Variants in NEXMIF observed in about 807,000 individuals in gnomAD.
The protein encoded by NEXMIF is XLMR protein related to neurite extension.
NEXMIF carries 8 observed loss-of-function variants against 62.1 expected under a neutral mutation model. That is an observed-to-expected ratio of 0.13 (90% CI 0.08 to 0.23). The LOEUF is 0.23. Among genes scored for constraint, NEXMIF ranks in the 10% least tolerant of loss-of-function variants. The pLI, the probability that NEXMIF is intolerant of heterozygous loss-of-function variation, is 1.00. For missense variants in NEXMIF, 976 were observed against 1,113.3 expected (o/e 0.88, Z 1.75); for synonymous variants, 404 against 416.6 (o/e 0.97, Z 0.37).
intron 1 of NEXMIF, among the ~76,000 whole-genome samples, chrX:74,830,962 G>T (rs1262369625): frequency 9.9e-6 from 1 of 101,239 alleles, no homozygotes; most frequent in Non-Finnish European, 2.2e-5. Flanking sequence ...TGGCATCGTT[G>T]TTTTTTTTCA....
At chrX:74,919,675 G>A (rs1206939102) in intron 1 of NEXMIF, among the ~76,000 whole-genome samples, 1 of 110,317 alleles carries the variant, frequency 9.1e-6, no homozygotes, top group Non-Finnish European at 1.9e-5. Flanking sequence ...TGCACAATGT[G>A]CAGGTTTGTT....
At chrX:74,804,566 G>A (rs1237190188) in intron 1 of NEXMIF, among the ~76,000 whole-genome samples, 2 of 111,965 alleles carry the variant, frequency 1.8e-5, no homozygotes, top group Admixed American at 1.9e-4. Context: ...ATGTCATCCA[G>A]GTGCCTCATG....
At chrX:74,916,276 A>G (rs904195672) in intron 1 of NEXMIF, among the ~76,000 whole-genome samples, 1 of 112,067 alleles carries the variant, frequency 8.9e-6, no homozygotes, top group Non-Finnish European at 1.9e-5. Flanking sequence ...GGATAAGAAA[A>G]GAAGCATTTT....
At chrX:74,787,110 A>AG (rs1470283399) in intron 1 of NEXMIF, among the ~76,000 whole-genome samples, 1 of 105,439 alleles carries the variant, frequency 9.5e-6, no homozygotes, top group African/African-American at 3.4e-5. Flanking sequence ...AATACAAAAA[A>AG]AAAAAAAAAA....
At chrX:74,789,746 T>C (rs1346141451) in intron 1 of NEXMIF, among the ~76,000 whole-genome samples, 1 of 109,811 alleles carries the variant, frequency 9.1e-6, no homozygotes, top group Admixed American at 9.7e-5. Context: ...CATTTTTTCA[T>C]GTGTTTTTTG....
intron 1 of NEXMIF, among the ~76,000 whole-genome samples, chrX:74,876,815 C>T (rs1156440626): frequency 9.6e-6 from 1 of 104,476 alleles, no homozygotes; most frequent in Admixed American, 1.1e-4. Context: ...GATTGCAACC[C>T]CTGCCTTTTT....
intron 1 of NEXMIF, among the ~76,000 whole-genome samples, chrX:74,765,693 T>C (rs1265136665): frequency 9.1e-6 from 1 of 109,973 alleles, no homozygotes. Context: ...AAGCTTAATT[T>C]GGCTGAGTAT....
At chrX:74,818,680 A>G (rs1297816351) in intron 1 of NEXMIF, among the ~76,000 whole-genome samples, 2 of 112,321 alleles carry the variant, frequency 1.8e-5, no homozygotes, top group Non-Finnish European at 3.8e-5. Context: ...GACAACTCAC[A>G]GAATGGGATA....
intron 1 of NEXMIF, among the ~76,000 whole-genome samples, chrX:74,756,494 T>C (rs1023288744): frequency 2.7e-5 from 3 of 110,787 alleles, no homozygotes; most frequent in African/African-American, 9.9e-5. Flanking sequence ...TCATATTCCT[T>C]TTATTTGCCA....
intron 1 of NEXMIF, among the ~76,000 whole-genome samples, chrX:74,895,850 C>T (rs1008242879): frequency 1.1e-3 from 112 of 105,206 alleles, no homozygotes; most frequent in Non-Finnish European, 2.0e-3. Context: ...AAAAAAAAAA[C>T]ATAGAATGAA....
chrX:74,739,324 A>G lies in NEXMIF; in HGVS notation c.*81T>C. ...TTTGCTCCAAAGACGTATTCCCACA[A>G]TTTAAAATTCTTTTCTTTAAGCACT... is the stretch of plus-strand genomic sequence containing the variant. On this transcript the variant is annotated 3_prime_UTR_variant, in exon 4 of 4. Coordinates refer to ENST00000055682, the MANE Select transcript of NEXMIF (RefSeq NM_001008537.3). 1 of 654,363 alleles carries G rather than the reference A, an allele frequency of 1.5e-6. No individual in the cohort carries two copies. The highest frequency in any genetic ancestry group is 3.2e-5 in the South Asian group (1 of 31,298). 53.9% of individuals were successfully genotyped at this position (654,363 alleles called of 1,213,427 possible).
At chrX:74,781,692 G>A (rs1295745510) in intron 1 of NEXMIF, among the ~76,000 whole-genome samples, 3 of 99,371 alleles carry the variant, frequency 3.0e-5, no homozygotes, top group Admixed American at 2.2e-4. Context: ...TCAGTTTAGT[G>A]GAGGCCAGTG....
At chrX:74,794,235 G>A (rs754349267) in intron 1 of NEXMIF, among the ~76,000 whole-genome samples, 4 of 109,424 alleles carry the variant, frequency 3.7e-5, no homozygotes, top group South Asian at 4.1e-4. Context: ...ATACCCTGCC[G>A]TGTGAGGTGT....
intron 1 of NEXMIF, among the ~76,000 whole-genome samples, chrX:74,854,883 GA>G (rs1426059968): frequency 1.8e-5 from 2 of 111,378 alleles, no homozygotes; most frequent in Non-Finnish European, 3.8e-5. Flanking sequence ...CTCTTTTAAA[GA>G]AAACTACAAA....
At chrX:74,848,759 T>C (rs1375565499) in intron 1 of NEXMIF, among the ~76,000 whole-genome samples, 3 of 112,149 alleles carry the variant, frequency 2.7e-5, no homozygotes, top group African/African-American at 9.7e-5. Context: ...CCCAATGTGA[T>C]GGTATTTGAA....
chrX:74,883,663 C>A (rs776450796), intron 1 of NEXMIF, among the ~76,000 whole-genome samples: 7 of 112,027 alleles, frequency 6.2e-5, no homozygotes, highest in African/African-American at 2.3e-4. Flanking sequence ...ACCAAATCTA[C>A]GTCTAATTGG....
At chrX:74,866,743 T>C (rs1361225860) in intron 1 of NEXMIF, among the ~76,000 whole-genome samples, 1 of 112,759 alleles carries the variant, frequency 8.9e-6, no homozygotes, top group Non-Finnish European at 1.9e-5. Context: ...TGGTTTTATA[T>C]AGGGCAGTTC....
At chrX:74,919,869 C>T (rs4892532) in intron 1 of NEXMIF, among the ~76,000 whole-genome samples, 14,425 of 109,165 alleles carry the variant, frequency 0.13, 1,680 homozygotes, top group East Asian at 0.89. Context: ...AGTGAGAACA[C>T]GCGGTGTTTG....
intron 1 of NEXMIF, among the ~76,000 whole-genome samples, chrX:74,912,704 A>G (rs745370585): frequency 1.8e-5 from 2 of 111,647 alleles, no homozygotes; most frequent in Admixed American, 1.9e-4. Context: ...TGTAGTGCCA[A>G]GCTCTTTTAC....
Sources: gnomAD v4.1 joint callset for allele counts (sites outside exome capture counted in the v4.1 genomes callset) on GRCh38, gnomAD v4.1.1 for gene constraint, MANE v1.5 for transcripts, NCBI Gene and HGNC (gene_info 2026-07-23, HGNC 2026-07-21) for gene names.